The following KIF13B variants were observed in gnomAD, a reference collection of about 807,000 sequenced individuals.
KIF13B encodes kinesin-like protein KIF13B.
Under a neutral mutation model 222.0 loss-of-function variants are expected in KIF13B, and 127 were observed. The observed-to-expected ratio is 0.57, with a 90% confidence interval of 0.50 to 0.66. The LOEUF (loss-of-function observed/expected upper bound fraction) is 0.66. Ranked by LOEUF, KIF13B falls within the 30% of genes least tolerant of loss-of-function variation. The pLI is 0.00. For missense variants in KIF13B, 2,173 were observed against 2,379.0 expected (o/e 0.91, Z 1.80); for synonymous variants, 976 against 919.0 (o/e 1.06, Z -1.12).
rs1015933544 is a variant in KIF13B, at chr8:29,232,928, G to T, written c.149+12418C>A. On this transcript the variant is annotated intron_variant, in intron 2 of 39. Transcript: ENST00000524189. ...TCCCAGCACTTTCGGAGGCCAAGGG[G>T]GTGGATAACTTGAGGTCAGGAGTTC... Among the ~76,000 whole-genome samples, 4 of 152,096 alleles carry T rather than the reference G, an allele frequency of 2.6e-5. No individual in the cohort carries two copies. The South Asian group carries it at 8.3e-4, about 32-fold the overall frequency.
intron 24 of KIF13B, among the ~76,000 whole-genome samples, chr8:29,129,979 G>C (rs1466221771): frequency 6.6e-6 from 1 of 152,216 alleles, no homozygotes; most frequent in African/African-American, 2.4e-5. Flanking sequence ...AGCCAGAATT[G>C]AGCCCAAGCA....
intron 18 of KIF13B, among the ~76,000 whole-genome samples, chr8:29,143,218 A>G (rs1224529298): frequency 6.6e-6 from 1 of 152,232 alleles, no homozygotes; most frequent in Non-Finnish European, 1.5e-5. Context: ...CAGCAAGTTG[A>G]AATAAAAGTA....
At position 29,188,583 on chromosome 8, in the gene KIF13B, A is replaced by G; in HGVS notation, c.248T>C (p.Leu83Pro). 1 of 1,611,762 alleles carries G rather than the reference A, an allele frequency of 6.2e-7. No homozygotes were observed. The highest frequency in any genetic ancestry group is 8.5e-7 in the Non-Finnish European group (1 of 1,178,346). The change falls in exon 5 of 40, where the codon CTT (leucine) becomes CCT (proline). Residue 83 changes from leucine (L) to proline (P), a missense_variant. Leu to Pro is a moderately conservative substitution (Grantham distance 98). This residue lies in a region of KIF13B where 1,480 missense variants were observed against 1,722.8 expected (regional missense o/e 0.86). Transcript: ENST00000524189. ...YAGQDIVFKC[L>P]GENILQNAFD... ...AGCATTCTGCAGGATATTCTCTCCA[A>G]GGCACTTGAAAACAATATCTTGACC...
intron 36 of KIF13B, among the ~76,000 whole-genome samples, chr8:29,093,848 A>T (rs1469678775): frequency 6.6e-6 from 1 of 152,246 alleles, no homozygotes. Flanking sequence ...CGAGAGATAC[A>T]TCATACCTCA....
At chr8:29,244,099 T>C (rs974087936) in intron 2 of KIF13B, among the ~76,000 whole-genome samples, 4 of 151,882 alleles carry the variant, frequency 2.6e-5, no homozygotes, top group African/African-American at 4.8e-5. Context: ...CTGCAACCTC[T>C]GCCTCCCAGG....
intron 18 of KIF13B, among the ~76,000 whole-genome samples, chr8:29,144,624 T>C (rs1810972369): frequency 6.6e-6 from 1 of 152,050 alleles, no homozygotes; most frequent in South Asian, 2.1e-4. Flanking sequence ...AATACAAAAA[T>C]CCCATTTGTG....
intron 36 of KIF13B, among the ~76,000 whole-genome samples, chr8:29,095,203 G>A (rs921949000): frequency 6.6e-6 from 1 of 152,156 alleles, no homozygotes; most frequent in African/African-American, 2.4e-5. Flanking sequence ...TCATAGTACA[G>A]TTACCACAAA....
Position 29,099,198 on chromosome 8 carries a change from G to A in KIF13B, c.4259C>T (p.Ser1420Phe). ...SQQDVSQTTV[S>F]RGIAPAPALS... ...GGCGGGGGCAGGAGCTATTCCTCTG[G>A]AAACTGTGGTTTGGGATACATCCTG... is the stretch of plus-strand genomic sequence containing the variant. The change falls in exon 36 of 40, where the codon TCC becomes TTC. Residue 1420 changes from serine (S) to phenylalanine (F), a missense_variant. By Grantham distance (155) the Ser-to-Phe change is radical. Coordinates refer to ENST00000524189, the MANE Select transcript of KIF13B (RefSeq NM_015254.4). 6.2e-7 allele frequency: 1 copy of A among 1,613,524 alleles called. No homozygotes were observed. Among genetic ancestry groups the A allele is most frequent in the South Asian group, 1.1e-5 (1 of 91,052 alleles).
At chr8:29,207,264 C>T (rs1046976721) in intron 2 of KIF13B, among the ~76,000 whole-genome samples, 3 of 152,178 alleles carry the variant, frequency 2.0e-5, no homozygotes, top group African/African-American at 7.2e-5. Context: ...TCTATCCTTT[C>T]GGTTACCAGG....
chr8:29,155,860 A>G lies in KIF13B; in HGVS notation c.1405-4T>C. ...CTGACCCTATCAATGTATGTTCCTAAGAAAAAACCAAATTCACTGATTAAT... is the reference window on the plus strand; with the variant it reads ...CTGACCCTATCAATGTATGTTCCTAGGAAAAAACCAAATTCACTGATTAAT... On this transcript the variant is annotated splice_polypyrimidine_tract_variant and splice_region_variant and intron_variant, in intron 13 of 39. Coordinates refer to ENST00000524189, the MANE Select transcript of KIF13B (RefSeq NM_015254.4). 6.4e-7 allele frequency: 1 copy of G among 1,562,002 alleles called. No individual in the cohort carries two copies. Among genetic ancestry groups the G allele is most frequent in the South Asian group, 1.2e-5 (1 of 85,386 alleles).
chr8:29,091,944 T>G (rs1808316677), intron 37 of KIF13B, among the ~76,000 whole-genome samples: 1 of 152,242 alleles, frequency 6.6e-6, no homozygotes, highest in South Asian at 2.1e-4. Context: ...CCTTCTCCCC[T>G]GAATATGCAT....
intron 2 of KIF13B, among the ~76,000 whole-genome samples, chr8:29,225,981 G>A (rs1586952492): frequency 6.6e-6 from 1 of 152,332 alleles, no homozygotes; most frequent in African/African-American, 2.4e-5. Flanking sequence ...TGACTGCCTG[G>A]CATATAAGTA....
At chr8:29,146,612 A>G (rs1811072211) in intron 17 of KIF13B, 72 bp from the exon 18 acceptor site, 1 of 1,350,092 alleles carries the variant, frequency 7.4e-7, no homozygotes. Context: ...AAAATCATAC[A>G]GTGGTAGTAC....
intron 9 of KIF13B, among the ~76,000 whole-genome samples, chr8:29,176,424 A>G (rs2130245254): frequency 6.6e-6 from 1 of 152,344 alleles, no homozygotes; most frequent in Middle Eastern, 3.4e-3. Context: ...ATAAATCTTC[A>G]GGTCAATATA....
At chr8:29,073,987 ATTCTC>A (rs1385466567) in intron 38 of KIF13B, among the ~76,000 whole-genome samples, 46 of 152,280 alleles carry the variant, frequency 3.0e-4, no homozygotes, top group African/African-American at 9.6e-4. Context: ...TGTTTTATTT[ATTCTC>A]TTCTATTTTA....
Position 29,092,733 on chromosome 8 carries a change from G to A in KIF13B, c.4458+12C>T, listed in dbSNP as rs373270029. The stretch of plus-strand genomic sequence containing the variant: ...GAAAAACGTTCACAGCTGTTTTCTC[G>A]GTGCTTTTTACCTGGTGTGCGAGGG... On this transcript the variant is annotated intron_variant, in intron 37 of 39. Coordinates refer to ENST00000524189, the MANE Select transcript of KIF13B (RefSeq NM_015254.4). 8.7e-5 allele frequency: 140 copies of A among 1,601,906 alleles called. 2 individuals carry two copies. In the African/African-American group the frequency reaches 9.6e-4, roughly 11 times the overall value.
At chr8:29,263,214 G>T, upstream of KIF13B, 4 of 572,010 alleles carry the variant, frequency 7.0e-6, no homozygotes, top group Non-Finnish European at 1.2e-5. Flanking sequence ...GTTCCCCAGG[G>T]TCGTCGTGGG....
intron 21 of KIF13B, among the ~76,000 whole-genome samples, chr8:29,137,441 T>C (rs1190358631): frequency 6.6e-6 from 1 of 152,278 alleles, no homozygotes; most frequent in South Asian, 2.1e-4. Flanking sequence ...CAGGAATGTC[T>C]GCAGGCACGG....
At chr8:29,103,223 A>G (rs1479160415) in intron 35 of KIF13B, among the ~76,000 whole-genome samples, 1 of 150,636 alleles carries the variant, frequency 6.6e-6, no homozygotes, top group East Asian at 1.9e-4. Context: ...GCCTGGGCGA[A>G]AGAGTGAGAC....
Sources: gnomAD v4.1 joint callset for allele counts (sites outside exome capture counted in the v4.1 genomes callset) on GRCh38, gnomAD v4.1.1 for gene constraint, gnomAD v4.1.1 regional missense constraint, MANE v1.5 for transcripts, NCBI Gene and HGNC (gene_info 2026-07-23, HGNC 2026-07-21) for gene names.